DLGAP2: variants seen among roughly 807,000 people sequenced by gnomAD.
The protein encoded by DLGAP2 is DLG associated protein 2.
Under a neutral mutation model 100.3 loss-of-function variants are expected in DLGAP2, and 26 were observed. The ratio of observed to expected loss-of-function variants is 0.26; its 90% CI spans 0.19 to 0.36. The LOEUF is 0.36. Ranked by LOEUF, DLGAP2 falls within the 10% of genes least tolerant of loss-of-function variation. DLGAP2 has a pLI of 1.00. For missense variants in DLGAP2, 1,858 were observed against 1,453.2 expected (o/e 1.28, Z -4.53); for synonymous variants, 886 against 630.1 (o/e 1.41, Z -6.08).
chr8:1,279,889 G>A (rs756022587), intron 3 of DLGAP2, among the ~76,000 whole-genome samples: 8 of 152,198 alleles, frequency 5.3e-5, no homozygotes, highest in Non-Finnish European at 1.2e-4. Flanking sequence ...CAGTCTACAC[G>A]CCAAGGAAGG....
At chr8:1,537,722 A>G (rs138591204) in intron 4 of DLGAP2, among the ~76,000 whole-genome samples, 4 of 121,334 alleles carry the variant, frequency 3.3e-5, no homozygotes, top group African/African-American at 9.4e-5. Context: ...TGGATGGATG[A>G]AAGGATGGAA....
intron 2 of DLGAP2, among the ~76,000 whole-genome samples, chr8:1,088,353 G>A (rs1477381612): frequency 6.6e-6 from 1 of 151,078 alleles, no homozygotes; most frequent in East Asian, 1.9e-4. Context: ...TGGGGACTGG[G>A]TGACACAGGA....
chr8:1,291,092 T>C (rs575980238), intron 3 of DLGAP2, among the ~76,000 whole-genome samples: 2 of 152,212 alleles, frequency 1.3e-5, no homozygotes, highest in Admixed American at 6.5e-5. Flanking sequence ...ACAGGGCCTA[T>C]AAAATAATAA....
chr8:1,078,885 A>T (rs1474605102), intron 2 of DLGAP2, among the ~76,000 whole-genome samples: 1 of 152,200 alleles, frequency 6.6e-6, no homozygotes, highest in Non-Finnish European at 1.5e-5. Context: ...AGGTTTTTGT[A>T]TGGAGATGTT....
intron 4 of DLGAP2, among the ~76,000 whole-genome samples, chr8:1,524,322 G>C (rs568355257): frequency 6.6e-6 from 1 of 152,146 alleles, no homozygotes; most frequent in Non-Finnish European, 1.5e-5. Flanking sequence ...GACCCTCACC[G>C]GTGCTGACTG....
intron 3 of DLGAP2, among the ~76,000 whole-genome samples, chr8:1,431,515 G>C (rs1287440794): frequency 1.3e-5 from 2 of 152,240 alleles, no homozygotes; most frequent in Non-Finnish European, 2.9e-5. Context: ...AAGGAGAAAG[G>C]AAGAGGCAGC....
At chr8:762,373 A>C (rs1051615811) in intron 1 of DLGAP2, among the ~76,000 whole-genome samples, 1 of 152,234 alleles carries the variant, frequency 6.6e-6, no homozygotes. Context: ...TCTTTGTTGC[A>C]GAGAAGTATA....
At chr8:1,268,882 C>T (rs1462366694) in intron 3 of DLGAP2, among the ~76,000 whole-genome samples, 1 of 152,184 alleles carries the variant, frequency 6.6e-6, no homozygotes, top group Non-Finnish European at 1.5e-5. Context: ...TGACTTAGAC[C>T]TTCAGGCTAA....
At chr8:1,137,042 AACTT>A (rs1233896948) in intron 2 of DLGAP2, among the ~76,000 whole-genome samples, 2 of 152,144 alleles carry the variant, frequency 1.3e-5, no homozygotes, top group Non-Finnish European at 2.9e-5. Flanking sequence ...AAACAACAGG[AACTT>A]ATGTTCTTGC....
intron 2 of DLGAP2, among the ~76,000 whole-genome samples, chr8:1,229,648 G>A (rs147031849): frequency 3.3e-5 from 5 of 152,210 alleles, no homozygotes; most frequent in African/African-American, 9.6e-5. Context: ...AAAACCAACA[G>A]CACATCAACA....
At position 1,701,458 on chromosome 8, in the gene DLGAP2, T is replaced by A. The variant is rs1181692910; in HGVS notation, c.*52T>A. ...TCGCTTCCGCTTTCCCGGACGCTTG[T>A]GCAGCGCGGCGCCGCCCTGGTGGTT... is the stretch of plus-strand genomic sequence containing the variant. On this transcript the variant is annotated 3_prime_UTR_variant, in exon 15 of 15. Transcript: ENST00000637795. 2.0e-6 allele frequency: 3 copies of A among 1,521,790 alleles called. No individual in the cohort carries two copies. The highest frequency in any genetic ancestry group is 2.0e-5 in the Admixed American group (1 of 49,146). 94.3% of individuals were successfully genotyped at this position (1,521,790 alleles called of 1,614,324 possible). A position where few individuals can be genotyped will look rare whatever the true frequency, so the allele number is the denominator to read the frequency against.
At chr8:955,777 T>C (rs978488258) in intron 2 of DLGAP2, among the ~76,000 whole-genome samples, 2 of 152,230 alleles carry the variant, frequency 1.3e-5, no homozygotes, top group Admixed American at 1.3e-4. Context: ...TTGGGAAGAA[T>C]GGACATATTC....
chr8:1,092,096 G>C (rs771385248), intron 2 of DLGAP2, among the ~76,000 whole-genome samples: 11 of 152,110 alleles, frequency 7.2e-5, no homozygotes, highest in Non-Finnish European at 1.6e-4. Context: ...CATGTTTTGG[G>C]GACTCTCATG....
chr8:750,051 C>A (rs1211333161), intron 1 of DLGAP2, among the ~76,000 whole-genome samples: 1 of 152,248 alleles, frequency 6.6e-6, no homozygotes, highest in African/African-American at 2.4e-5. Flanking sequence ...CGGGTTATCC[C>A]CTCATCAAAG....
At chr8:1,140,730 G>C (rs1219178908) in intron 2 of DLGAP2, among the ~76,000 whole-genome samples, 1 of 152,170 alleles carries the variant, frequency 6.6e-6, no homozygotes, top group Non-Finnish European at 1.5e-5. Flanking sequence ...CCAGCACTTT[G>C]GGAGGCTGAG....
intron 8 of DLGAP2, among the ~76,000 whole-genome samples, chr8:1,635,463 C>CA (rs1563271097): frequency 6.6e-6 from 1 of 152,154 alleles, no homozygotes; most frequent in South Asian, 2.1e-4. Flanking sequence ...GCACTACGTT[C>CA]AATAGCTGTC....
At chr8:1,485,139 G>A (rs1470535414) in intron 3 of DLGAP2, among the ~76,000 whole-genome samples, 2 of 152,222 alleles carry the variant, frequency 1.3e-5, no homozygotes, top group Admixed American at 6.5e-5. Context: ...TGGAAATTGG[G>A]ACGATGTTAA....
At chr8:1,203,796 G>A (rs1250105317) in intron 2 of DLGAP2, among the ~76,000 whole-genome samples, 2 of 152,178 alleles carry the variant, frequency 1.3e-5, no homozygotes, top group Non-Finnish European at 2.9e-5. Flanking sequence ...GTCACCTAAA[G>A]GTTGTCCTCT....
chr8:824,764 C>G (rs749799233), intron 1 of DLGAP2, among the ~76,000 whole-genome samples: 1 of 152,146 alleles, frequency 6.6e-6, no homozygotes, highest in Non-Finnish European at 1.5e-5. Context: ...TCATCAGCAG[C>G]AAAAGAAGCT....
Sources: allele counts gnomAD v4.1 joint callset (sites outside exome capture counted in the v4.1 genomes callset), GRCh38; gene constraint gnomAD v4.1.1; transcripts MANE v1.5; gene names NCBI Gene and HGNC (gene_info 2026-07-23, HGNC 2026-07-21).